Variants in AGBL1 observed in about 807,000 individuals in gnomAD.
AGBL1 encodes the protein AGBL carboxypeptidase 1.
Under a neutral mutation model 118.9 loss-of-function variants are expected in AGBL1, and 130 were observed. That is an observed-to-expected ratio of 1.09 (90% CI 0.95 to 1.26). The LOEUF (loss-of-function observed/expected upper bound fraction) is 1.26, where lower values mean the gene tolerates loss of function less well. Ranked by LOEUF, AGBL1 falls within the 50% of genes most tolerant of loss-of-function variation. The probability of loss-of-function intolerance (pLI) is 0.00; values close to 1 mark genes in which losing one functional copy is unlikely to be tolerated. For synonymous variants in AGBL1, 555 were observed against 478.9 expected (o/e 1.16, Z -2.08); for missense variants, 1,584 against 1,298.1 (o/e 1.22, Z -3.38).
chr15:86,512,919 T>G (rs937059440), intron 18 of AGBL1, among the ~76,000 whole-genome samples: 6 of 151,724 alleles, frequency 4.0e-5, no homozygotes, highest in African/African-American at 1.4e-4. Context: ...TTTTTTAAAT[T>G]ATAGATTTTT....
intron 5 of AGBL1, among the ~76,000 whole-genome samples, chr15:86,222,672 C>T (rs1193084571): frequency 6.6e-6 from 1 of 152,098 alleles, no homozygotes; most frequent in Non-Finnish European, 1.5e-5. Context: ...CTACTTATGC[C>T]CTAGGAAGAA....
At chr15:86,427,577 C>G (rs909470897) in intron 18 of AGBL1, among the ~76,000 whole-genome samples, 1 of 151,302 alleles carries the variant, frequency 6.6e-6, no homozygotes, top group Non-Finnish European at 1.5e-5. Flanking sequence ...AAAAGGACAC[C>G]TATTGGCATT....
chr15:86,614,354 C>A (rs750208638), intron 21 of AGBL1, among the ~76,000 whole-genome samples: 1 of 151,166 alleles, frequency 6.6e-6, no homozygotes, highest in Non-Finnish European at 1.5e-5. Context: ...CATGAATACC[C>A]AATACCTGGA....
At chr15:86,987,681 G>A (rs775862099) in intron 23 of AGBL1, among the ~76,000 whole-genome samples, 11 of 151,894 alleles carry the variant, frequency 7.2e-5, no homozygotes, top group East Asian at 1.9e-4. Context: ...TGATATAATC[G>A]TGTTTCCTTT....
chr15:86,504,471 T>C (rs769124064), intron 18 of AGBL1, among the ~76,000 whole-genome samples: 2 of 151,668 alleles, frequency 1.3e-5, no homozygotes, highest in Non-Finnish European at 3.0e-5. Context: ...TCCATATTTC[T>C]ATGTGTTTTT....
chr15:86,337,697 G>A (rs949544330), intron 17 of AGBL1, among the ~76,000 whole-genome samples: 1 of 152,064 alleles, frequency 6.6e-6, no homozygotes, highest in Non-Finnish European at 1.5e-5. Context: ...CACTTACTGG[G>A]GCCTGTCGAG....
chr15:86,251,695 T>A (rs1218720640), intron 7 of AGBL1, among the ~76,000 whole-genome samples: 1 of 152,032 alleles, frequency 6.6e-6, no homozygotes, highest in Non-Finnish European at 1.5e-5. Flanking sequence ...TCTGTAAACA[T>A]CCCCTAAAAG....
chr15:86,942,945 G>C (rs926361767), intron 23 of AGBL1, among the ~76,000 whole-genome samples: 1 of 152,132 alleles, frequency 6.6e-6, no homozygotes, highest in Non-Finnish European at 1.5e-5. Context: ...CATTGTACCT[G>C]TTCTCACTTT....
chr15:86,782,474 T>C (rs1183076721), intron 22 of AGBL1, among the ~76,000 whole-genome samples: 1 of 152,212 alleles, frequency 6.6e-6, no homozygotes, highest in African/African-American at 2.4e-5. Context: ...TGCTATGTAA[T>C]CTGCTCTAAT....
Position 86,311,347 on chromosome 15 carries a change from G to C in AGBL1, c.2374+15939G>C, listed in dbSNP as rs531018626. ...CTTTACATGCTACTTTCTTCCATTA[G>C]AAAGAAAAATGAAAGTCTATTTTTT... On this transcript the variant is annotated intron_variant, in intron 17 of 22. Coordinates refer to ENST00000614907, the MANE Select transcript of AGBL1 (RefSeq NM_001386094.1). Among the ~76,000 whole-genome samples, 770 of 152,244 alleles carry C rather than the reference G, an allele frequency of 5.1e-3. 6 individuals carry two copies. Among genetic ancestry groups the C allele is most frequent in the African/African-American group, 0.018 (739 of 41,542 alleles).
chr15:86,886,976 A>G lies in AGBL1; in HGVS notation c.3159-20111A>G, dbSNP rs74812349. 7.1e-3 allele frequency among the ~76,000 whole-genome samples: 1,081 copies of G among 152,300 alleles called. 23 individuals are homozygous for G. The highest frequency in any genetic ancestry group is 0.025 in the African/African-American group (1,021 of 41,546). ...AGAAGATGACACAGATCAAAGCTCTATTAACTTAAGGGGCAGAGAATGCCC... is the reference window on the plus strand; with the variant it reads ...AGAAGATGACACAGATCAAAGCTCTGTTAACTTAAGGGGCAGAGAATGCCC... On this transcript the variant is annotated intron_variant, in intron 22 of 22. Coordinates refer to ENST00000614907, the MANE Select transcript of AGBL1 (RefSeq NM_001386094.1).
intron 22 of AGBL1, among the ~76,000 whole-genome samples, chr15:86,865,443 G>A (rs1427447518): frequency 6.6e-6 from 1 of 152,182 alleles, no homozygotes; most frequent in African/African-American, 2.4e-5. Context: ...CAGAAACACA[G>A]GCCCTTGGCA....
intron 21 of AGBL1, among the ~76,000 whole-genome samples, chr15:86,622,807 T>C (rs191049515): frequency 3.3e-5 from 5 of 152,290 alleles, no homozygotes; most frequent in African/African-American, 9.6e-5. Flanking sequence ...TTTATTAATA[T>C]TACATTGTAA....
At chr15:86,327,361 T>A (rs936431211) in intron 17 of AGBL1, among the ~76,000 whole-genome samples, 9 of 152,224 alleles carry the variant, frequency 5.9e-5, no homozygotes, top group African/African-American at 2.2e-4. Flanking sequence ...ATGATTTTGT[T>A]CTTGACACAT....
In AGBL1 at chr15:86,257,005, T is replaced by C. The variant is rs2078907290; in HGVS notation, c.888T>C (p.His296=). ...VPGCITTEPP[H]DLPEEDFEDD... is the part of the protein sequence containing the mutation. ...GGTGCATCACCACTGAACCTCCACA[T>C]GATCTACCTGAAGGTAAAATAAGTT... Residue 296 remains histidine, a synonymous_variant, in exon 8 of 23, where the codon CAT becomes CAC. Coordinates refer to ENST00000614907, the MANE Select transcript of AGBL1 (RefSeq NM_001386094.1). The C allele has an allele frequency of 6.2e-7, 1 of 1,613,818 alleles. No individual in the cohort carries two copies.
At chr15:86,738,866 T>G (rs1398867762) in intron 22 of AGBL1, among the ~76,000 whole-genome samples, 2 of 152,070 alleles carry the variant, frequency 1.3e-5, no homozygotes, top group African/African-American at 4.8e-5. Context: ...CAGCCAGGCT[T>G]GGTGGCTCAC....
chr15:86,559,888 C>T (rs957733113), intron 21 of AGBL1, among the ~76,000 whole-genome samples: 1 of 152,038 alleles, frequency 6.6e-6, no homozygotes, highest in African/African-American at 2.4e-5. Context: ...AGCAGGAGAC[C>T]CACCTTCTGC....
Position 86,683,891 on chromosome 15 carries a change from A to G in AGBL1, c.3158+9455A>G, listed in dbSNP as rs148136772. Among the ~76,000 whole-genome samples the G allele has an allele frequency of 4.7e-3, 716 of 152,302 alleles. 3 individuals are homozygous for G. The highest frequency in any genetic ancestry group is 0.016 in the African/African-American group (684 of 41,564). On this transcript the variant is annotated intron_variant, in intron 22 of 22. Coordinates refer to ENST00000614907, the MANE Select transcript of AGBL1 (RefSeq NM_001386094.1). ...GTCTAAGTTAACTCAATAACTTTTC[A>G]TTAATTTTACATCATTACCGCTTTC...
At chr15:86,209,308 GAGTTCTGTAGATGTC>G (rs1209108255) in intron 5 of AGBL1, among the ~76,000 whole-genome samples, 1 of 152,162 alleles carries the variant, frequency 6.6e-6, no homozygotes, top group Non-Finnish European at 1.5e-5. Flanking sequence ...TTGGGGTGGA[GAGTTCTGTAGATGTC>G]TATTAGGTCT....
Sources: gnomAD v4.1 joint callset for allele counts (sites outside exome capture counted in the v4.1 genomes callset) on GRCh38, gnomAD v4.1.1 for gene constraint, MANE v1.5 for transcripts, NCBI Gene and HGNC (gene_info 2026-07-23, HGNC 2026-07-21) for gene names.